Variants in TRIM9 observed in about 807,000 individuals in gnomAD.
The protein encoded by TRIM9 is tripartite motif containing 9.
A neutral mutation model predicts 78.3 loss-of-function variants in TRIM9; 26 were observed. The observed-to-expected ratio is 0.33, with a 90% CI of 0.24 to 0.46. The LOEUF (loss-of-function observed/expected upper bound fraction) is 0.46, where lower values mean the gene tolerates loss of function less well. Ranked by LOEUF, TRIM9 falls within the 20% of genes least tolerant of loss-of-function variation. The pLI is 1.00. For missense variants in TRIM9, 787 were observed against 1,036.4 expected, an observed-to-expected ratio of 0.76 and a Z score of 3.30; for synonymous variants, 398 against 416.5, an observed-to-expected ratio of 0.96 and a Z score of 0.54.
Position 50,977,368 on chromosome 14 carries a change from T to C in TRIM9, c.2326-15A>G. The C allele has an allele frequency of 6.6e-7, 1 of 1,521,718 alleles. No individual in the cohort carries two copies. Among genetic ancestry groups the C allele is most frequent in the Non-Finnish European group, 8.8e-7 (1 of 1,130,494 alleles). 94.3% of individuals were successfully genotyped at this position (1,521,718 alleles called of 1,614,324 possible). On this transcript the variant is annotated splice_polypyrimidine_tract_variant and intron_variant, in intron 12 of 12. Transcript: ENST00000684578. ...TGCAGCGTGACCTGGGGAATGAGAC[T>C]GTGAGTCCTGAGAGGCATCGTGCAT...
chr14:51,063,515 C>CA (rs1252315088), intron 1 of TRIM9, among the ~76,000 whole-genome samples: 1 of 151,622 alleles, frequency 6.6e-6, no homozygotes, highest in African/African-American at 2.4e-5. Context: ...ATAAAATTTT[C>CA]AAAAAACAGC....
In TRIM9 at chr14:50,985,834, C is replaced by A. The variant is rs185801553; in HGVS notation, c.1792+122G>T. ...GATGCTCCTCATACGGAAAGCAGGC[C>A]ACAGACAGAGACTAGCTCATCCCCC... On this transcript the variant is annotated intron_variant, in intron 8 of 12. Coordinates refer to ENST00000684578, the MANE Select transcript of TRIM9 (RefSeq NM_001387360.1). 7 of 903,264 alleles carry A rather than the reference C, an allele frequency of 7.7e-6. No homozygotes were observed. The Admixed American group carries it at 1.8e-4, about 24-fold the overall frequency. 56.0% of individuals were successfully genotyped at this position (903,264 alleles called of 1,614,324 possible). A position where few individuals can be genotyped will look rare whatever the true frequency, so the allele number is the denominator to read the frequency against.
chr14:50,989,626 A>G (rs1437644412), intron 7 of TRIM9, among the ~76,000 whole-genome samples: 2 of 152,356 alleles, frequency 1.3e-5, no homozygotes, highest in East Asian at 3.9e-4. Context: ...ACACGCAGGG[A>G]TCCCGTGTGG....
At chr14:51,088,840 T>A (rs1462126105) in intron 1 of TRIM9, 2 of 152,160 alleles carry the variant, frequency 1.3e-5, no homozygotes. Context: ...GAATGCAGCC[T>A]TCTAAACACA....
chr14:51,061,764 G>A (rs1287311287), intron 1 of TRIM9, among the ~76,000 whole-genome samples: 1 of 152,138 alleles, frequency 6.6e-6, no homozygotes, highest in African/African-American at 2.4e-5. Flanking sequence ...ACACAATCCA[G>A]TTGTTTTAGC....
intron 1 of TRIM9, among the ~76,000 whole-genome samples, chr14:51,061,954 C>T (rs1489103263): frequency 1.3e-5 from 2 of 152,174 alleles, no homozygotes; most frequent in Admixed American, 6.5e-5. Flanking sequence ...TTATCCCACA[C>T]GTTTCAGACC....
chr14:51,081,513 C>A (rs1184454875), intron 1 of TRIM9, among the ~76,000 whole-genome samples: 2 of 152,188 alleles, frequency 1.3e-5, no homozygotes, highest in African/African-American at 4.8e-5. Context: ...TTCAGTGACT[C>A]CAATTTACCG....
At chr14:51,088,423 T>C (rs1262347970) in intron 1 of TRIM9, among the ~76,000 whole-genome samples, 2 of 152,214 alleles carry the variant, frequency 1.3e-5, no homozygotes, top group Non-Finnish European at 2.9e-5. Flanking sequence ...CTCAAACTTA[T>C]TTAACTATGG....
At chr14:51,091,044 CT>C (rs1349806715) in intron 1 of TRIM9, 1 of 152,062 alleles carries the variant, frequency 6.6e-6, no homozygotes, top group Non-Finnish European at 1.5e-5. Flanking sequence ...TGTTATAATT[CT>C]TTTAACAAGT....
At position 51,061,239 on chromosome 14, in the gene TRIM9, C is replaced by T. The variant is rs140624265; in HGVS notation, c.822+32879G>A. On this transcript the variant is annotated intron_variant, in intron 1 of 12. Transcript: ENST00000684578. The stretch of plus-strand genomic sequence containing the variant: ...ACCAGCCTGGCCAACCTAGTGAAAC[C>T]CTGTCTCTACGAAAAATATAAAAGT... Among the ~76,000 whole-genome samples, 931 of 151,864 alleles carry T rather than the reference C, an allele frequency of 6.1e-3. 9 individuals carry two copies. Among genetic ancestry groups the T allele is most frequent in the African/African-American group, 0.021 (877 of 41,378 alleles).
chr14:50,983,470 A>G, intron 8 of TRIM9, 49 bp from the exon 9 acceptor site: 1 of 1,458,962 alleles, frequency 6.9e-7, no homozygotes, highest in Non-Finnish European at 9.3e-7. Context: ...AACCAGGTTG[A>G]TAAAAATTAC....
intron 1 of TRIM9, among the ~76,000 whole-genome samples, chr14:51,067,882 C>G (rs2061884663): frequency 6.6e-6 from 1 of 152,168 alleles, no homozygotes; most frequent in Non-Finnish European, 1.5e-5. Context: ...TGTGTTATGG[C>G]TATTTCTTCC....
chr14:51,006,859 C>T (rs2055871335), intron 5 of TRIM9, among the ~76,000 whole-genome samples: 1 of 152,110 alleles, frequency 6.6e-6, no homozygotes, highest in South Asian at 2.1e-4. Context: ...AGCCTTGTCC[C>T]TCTTACTTTT....
In TRIM9 at chr14:50,994,664, TCA is replaced by T. The variant is rs553549435; in HGVS notation, c.1603+3384_1603+3385del. Among the ~76,000 whole-genome samples the T allele has an allele frequency of 4.0e-3, 608 of 152,330 alleles. 5 individuals are homozygous for T. Among genetic ancestry groups the T allele is most frequent in the African/African-American group, 0.014 (582 of 41,568 alleles). On this transcript the variant is annotated intron_variant, in intron 7 of 12. Coordinates refer to ENST00000684578, the MANE Select transcript of TRIM9 (RefSeq NM_001387360.1). Reference sequence around the variant, plus strand: ...TTTTAAAACAGGAGTACAGCTTGTCTCACACATAGCATAAACCTTAGAACTCT... The same window carrying T: ...TTTTAAAACAGGAGTACAGCTTGTCTCACATAGCATAAACCTTAGAACTCT...
In TRIM9 at chr14:50,986,163, CA is replaced by C; in HGVS notation, c.1604-20del. 1 of 1,477,744 alleles carries C rather than the reference CA, an allele frequency of 6.8e-7. No homozygotes were observed. The highest frequency in any genetic ancestry group is 9.0e-7 in the Non-Finnish European group (1 of 1,109,256). The allele number at this position is 1,477,744 out of a possible 1,614,324, so 91.5% of individuals were successfully genotyped here. A position where few individuals can be genotyped will look rare whatever the true frequency, so the allele number is the denominator to read the frequency against. On this transcript the variant is annotated intron_variant, in intron 7 of 12. Coordinates refer to ENST00000684578, the MANE Select transcript of TRIM9 (RefSeq NM_001387360.1). ...TCTGTGTCTAAATGTAAGATCAATG[CA>C]AACTAGAGATCAGAAGTCTGCTATT...
intron 1 of TRIM9, among the ~76,000 whole-genome samples, chr14:51,062,167 C>T (rs2061401367): frequency 6.6e-6 from 1 of 152,126 alleles, no homozygotes; most frequent in African/African-American, 2.4e-5. Context: ...TATGGTTCCT[C>T]TCTCTGCTGA....
chr14:51,000,871 T>C, intron 5 of TRIM9, 31 bp from the exon 6 acceptor site: 1 of 1,612,260 alleles, frequency 6.2e-7, no homozygotes, highest in Non-Finnish European at 8.5e-7. Context: ...CTCTGGCTTC[T>C]GTTAAGCTGC....
chr14:50,997,501 G>C, intron 7 of TRIM9: 2 of 985,768 alleles, frequency 2.0e-6, no homozygotes, highest in Non-Finnish European at 2.4e-6. Flanking sequence ...GGTATGAAAC[G>C]GAGGCAGTCT....
At chr14:51,091,180 A>G (rs1284162298) in intron 1 of TRIM9, 1 of 152,196 alleles carries the variant, frequency 6.6e-6, no homozygotes, top group Non-Finnish European at 1.5e-5. Flanking sequence ...TGGAGTTTTG[A>G]AGACCAAAAA....
Sources: allele counts gnomAD v4.1 joint callset (sites outside exome capture counted in the v4.1 genomes callset), GRCh38; gene constraint gnomAD v4.1.1; transcripts MANE v1.5; gene names NCBI Gene and HGNC (gene_info 2026-07-23, HGNC 2026-07-21).